Variants in ZNF608 observed in about 807,000 individuals in gnomAD.
The protein encoded by ZNF608 is zinc finger protein 608.
Under a neutral mutation model 109.0 loss-of-function variants are expected in ZNF608, and 12 were observed. That is an observed-to-expected ratio of 0.11 (90% CI 0.07 to 0.18). The LOEUF (loss-of-function observed/expected upper bound fraction) is 0.18. Ranked by LOEUF, ZNF608 falls within the 10% of genes least tolerant of loss-of-function variation. ZNF608 has a pLI of 1.00. For missense variants in ZNF608, 1,707 were observed against 1,879.3 expected (o/e 0.91, Z 1.70); for synonymous variants, 732 against 717.4 (o/e 1.02, Z -0.33).
chr5:124,668,195 A>AATATATATAT (rs34612595), intron 3 of ZNF608, among the ~76,000 whole-genome samples: 4 of 135,686 alleles, frequency 2.9e-5, no homozygotes, highest in Non-Finnish European at 4.7e-5. Context: ...TATGCTTAAA[A>AATATATATAT]ATATATATAT....
Position 124,701,187 on chromosome 5 carries a change from G to A in ZNF608, c.989C>T (p.Ser330Phe). 1 of 1,614,154 alleles carries A rather than the reference G, an allele frequency of 6.2e-7. No homozygotes were observed. Among genetic ancestry groups the A allele is most frequent in the Non-Finnish European group, 8.5e-7 (1 of 1,180,020 alleles). ...TGCTGCAATATTGGATGAAGATGGG[G>A]AAAAGTAGGAGGGTAGAATCTGAGG... ...LTPQILPSYF[S>F]PSSSNIAAPV... The change falls in exon 3 of 10, where the codon TCC (serine) becomes TTC (phenylalanine). Residue 330 changes from serine to phenylalanine, a missense_variant. Physicochemically the swap from Ser to Phe is radical, Grantham distance 155. Around this residue, in one of 7 missense-constraint regions of ZNF608, gnomAD observed 407 missense variants for 398.7 expected, o/e 1.02. Coordinates refer to ENST00000513986, the MANE Select transcript of ZNF608 (RefSeq NM_020747.3).
chr5:124,650,080 G>A (rs984753513), intron 3 of ZNF608, among the ~76,000 whole-genome samples: 7 of 152,206 alleles, frequency 4.6e-5, no homozygotes, highest in African/African-American at 1.4e-4. Context: ...ATAAACTAGC[G>A]CCAGTTACCA....
intron 3 of ZNF608, among the ~76,000 whole-genome samples, chr5:124,679,362 C>CCCTT (rs370513006): frequency 6.6e-6 from 1 of 151,516 alleles, no homozygotes; most frequent in Non-Finnish European, 1.5e-5. Context: ...TCCTTCCCTT[C>CCCTT]CCTTCCTTCC....
chr5:124,733,465 G>A (rs983500614), intron 2 of ZNF608, among the ~76,000 whole-genome samples: 1 of 152,016 alleles, frequency 6.6e-6, no homozygotes, highest in Non-Finnish European at 1.5e-5. Context: ...GCACCCTGGG[G>A]GCTTTCAAAG....
At chr5:124,670,403 C>A (rs1175936058) in intron 3 of ZNF608, among the ~76,000 whole-genome samples, 2 of 150,762 alleles carry the variant, frequency 1.3e-5, no homozygotes, top group African/African-American at 4.9e-5. Flanking sequence ...AAAATATGAA[C>A]GTCTTGATAT....
At chr5:124,684,385 A>G (rs1212894757) in intron 3 of ZNF608, among the ~76,000 whole-genome samples, 1 of 152,216 alleles carries the variant, frequency 6.6e-6, no homozygotes, top group Non-Finnish European at 1.5e-5. Flanking sequence ...AAGAAAACAC[A>G]GCCAGAGGGT....
intron 5 of ZNF608, among the ~76,000 whole-genome samples, chr5:124,646,117 C>T (rs1012222901): frequency 6.6e-6 from 1 of 152,154 alleles, no homozygotes; most frequent in Non-Finnish European, 1.5e-5. Flanking sequence ...AATCCCAGCA[C>T]TTTGGGAGGC....
chr5:124,733,281 C>G (rs1214430582), intron 2 of ZNF608, among the ~76,000 whole-genome samples: 1 of 130,772 alleles, frequency 7.6e-6, no homozygotes, highest in Non-Finnish European at 1.6e-5. Context: ...CTAGGTTCTT[C>G]CATTATTTAG....
At chr5:124,657,148 A>G (rs1258794421) in intron 3 of ZNF608, among the ~76,000 whole-genome samples, 3 of 152,188 alleles carry the variant, frequency 2.0e-5, no homozygotes, top group Non-Finnish European at 4.4e-5. Context: ...CTTCTAGAAG[A>G]TACAATGGCC....
chr5:124,717,132 A>C (rs1753735456), intron 2 of ZNF608, among the ~76,000 whole-genome samples: 1 of 151,918 alleles, frequency 6.6e-6, no homozygotes, highest in Non-Finnish European at 1.5e-5. Context: ...ACATTTTAAA[A>C]TTATATAAAC....
At chr5:124,702,979 G>A (rs1235647110) in intron 2 of ZNF608, among the ~76,000 whole-genome samples, 1 of 151,090 alleles carries the variant, frequency 6.6e-6, no homozygotes, top group Non-Finnish European at 1.5e-5. Flanking sequence ...TTTAAGGGGG[G>A]AAAAAAAACA....
At chr5:124,677,404 C>G (rs755038304) in intron 3 of ZNF608, among the ~76,000 whole-genome samples, 21 of 152,314 alleles carry the variant, frequency 1.4e-4, no homozygotes, top group Non-Finnish European at 2.4e-4. Flanking sequence ...ACTGAACACA[C>G]AGTCTATGGT....
intron 2 of ZNF608, among the ~76,000 whole-genome samples, chr5:124,707,039 A>T (rs1172276043): frequency 6.6e-6 from 1 of 152,158 alleles, no homozygotes; most frequent in East Asian, 1.9e-4. Context: ...AACCCTGGCA[A>T]TATTTTCTCC....
At chr5:124,736,162 T>A (rs938383286) in intron 2 of ZNF608, among the ~76,000 whole-genome samples, 10 of 152,290 alleles carry the variant, frequency 6.6e-5, no homozygotes, top group East Asian at 5.8e-4. Context: ...TTCATTTCCA[T>A]CACAAAAGAA....
chr5:124,647,759 G>T lies in ZNF608; in HGVS notation c.2625C>A (p.Arg875=), dbSNP rs147625577. Residue 875 remains arginine, a synonymous_variant, in exon 5 of 10, where the codon CGC becomes CGA. Coordinates refer to ENST00000513986, the MANE Select transcript of ZNF608 (RefSeq NM_020747.3). ...CGGCCTCAGCTTTGATACTGGCCAT[G>T]CGGCTCTCCTGAGACTCCGACAGTC... is the stretch of plus-strand genomic sequence containing the variant. ...ANGLSESQES[R]MASIKAEADK... 1.2e-6 allele frequency: 2 copies of T among 1,613,964 alleles called. No homozygotes were observed. The highest frequency in any genetic ancestry group is 2.7e-5 in the African/African-American group (2 of 74,924).
intron 5 of ZNF608, among the ~76,000 whole-genome samples, chr5:124,645,811 G>C (rs1294705931): frequency 1.3e-5 from 2 of 151,984 alleles, no homozygotes; most frequent in Admixed American, 6.6e-5. Context: ...TCTGAGTTTT[G>C]GGGTACTTAA....
At chr5:124,653,755 T>C (rs555224230) in intron 3 of ZNF608, among the ~76,000 whole-genome samples, 1 of 152,136 alleles carries the variant, frequency 6.6e-6, no homozygotes, top group Non-Finnish European at 1.5e-5. Context: ...GGAATCTGAA[T>C]GAGAAATATG....
At chr5:124,714,207 A>G (rs554726967) in intron 2 of ZNF608, among the ~76,000 whole-genome samples, 1 of 152,346 alleles carries the variant, frequency 6.6e-6, no homozygotes, top group South Asian at 2.1e-4. Flanking sequence ...ATGTAATTGC[A>G]ATGTGTTTTT....
At chr5:124,713,876 T>C (rs1367763912) in intron 2 of ZNF608, among the ~76,000 whole-genome samples, 1 of 152,056 alleles carries the variant, frequency 6.6e-6, no homozygotes, top group Non-Finnish European at 1.5e-5. Flanking sequence ...AAAGTAAACA[T>C]ATAGATCCAT....
Sources: gnomAD v4.1 joint callset for allele counts (sites outside exome capture counted in the v4.1 genomes callset) on GRCh38, gnomAD v4.1.1 for gene constraint, gnomAD v4.1.1 regional missense constraint, MANE v1.5 for transcripts, NCBI Gene and HGNC (gene_info 2026-07-23, HGNC 2026-07-21) for gene names.